The following CFAP299 variants were observed in gnomAD, a reference collection of about 807,000 sequenced individuals.
The protein encoded by CFAP299 is cilia and flagella associated protein 299, also known as cilia- and flagella-associated protein 299.
Under a neutral mutation model 27.0 loss-of-function variants are expected in CFAP299, and 21 were observed. That is an observed-to-expected ratio of 0.78 (90% CI 0.55 to 1.12). CFAP299 has a LOEUF of 1.12. Among genes scored for constraint, CFAP299 ranks in the 50% most tolerant of loss-of-function variants. CFAP299 has a pLI of 0.00. For missense variants in CFAP299, 310 were observed against 276.6 expected, an observed-to-expected ratio of 1.12 and a Z score of -0.86; for synonymous variants, 104 against 98.1, an observed-to-expected ratio of 1.06 and a Z score of -0.36.
At chr4:80,739,022 T>C (rs1192745826) in intron 3 of CFAP299, among the ~76,000 whole-genome samples, 2 of 152,012 alleles carry the variant, frequency 1.3e-5, no homozygotes, top group Non-Finnish European at 2.9e-5. Context: ...CAAACAAACA[T>C]GCAAAAAGAA....
At chr4:80,889,011 C>CAAAAAAA (rs35328435) in intron 4 of CFAP299, among the ~76,000 whole-genome samples, 166 of 52,370 alleles carry the variant, frequency 3.2e-3, no homozygotes, top group East Asian at 7.1e-3. Context: ...AGTGCCTAAG[C>CAAAAAAA]AAAAAAAAAA....
intron 4 of CFAP299, among the ~76,000 whole-genome samples, chr4:80,917,261 G>T (rs1014514165): frequency 1.3e-5 from 2 of 151,956 alleles, no homozygotes; most frequent in Non-Finnish European, 2.9e-5. Flanking sequence ...GTACTATTTC[G>T]CAGATAACCG....
intron 3 of CFAP299, among the ~76,000 whole-genome samples, chr4:80,860,524 C>A (rs111996382): frequency 6.6e-6 from 1 of 151,968 alleles, no homozygotes; most frequent in Non-Finnish European, 1.5e-5. Flanking sequence ...CTGTTTTTTC[C>A]CCATCTTTGT....
chr4:80,544,872 C>G (rs1056399234), intron 2 of CFAP299, among the ~76,000 whole-genome samples: 3 of 152,130 alleles, frequency 2.0e-5, no homozygotes, highest in Admixed American at 2.0e-4. Flanking sequence ...ACCTCCTAAA[C>G]ATCTATACAA....
Position 80,390,128 on chromosome 4 carries a change from T to A in CFAP299, c.242+27244T>A, listed in dbSNP as rs145831066. On this transcript the variant is annotated intron_variant, in intron 2 of 5. Transcript: ENST00000358105. ...CCATCACAATACCTTTATTTTATGGTGAGAATATTTAAGGTCTACTTTCTT... is the reference window on the plus strand; with the variant it reads ...CCATCACAATACCTTTATTTTATGGAGAGAATATTTAAGGTCTACTTTCTT... 2.3e-3 allele frequency among the ~76,000 whole-genome samples: 352 copies of A among 152,238 alleles called. 2 individuals are homozygous for A. Among genetic ancestry groups the A allele is most frequent in the African/African-American group, 7.7e-3 (320 of 41,534 alleles).
the CFAP299 span, among the ~76,000 whole-genome samples, chr4:80,324,064 T>C: frequency 1.3e-5 from 2 of 152,168 alleles, no homozygotes; most frequent in African/African-American, 4.8e-5. Flanking sequence ...GGTTTGCTGC[T>C]CCTATCAACC....
intron 3 of CFAP299, among the ~76,000 whole-genome samples, chr4:80,752,038 T>C (rs920003094): frequency 6.6e-6 from 1 of 152,182 alleles, no homozygotes; most frequent in African/African-American, 2.4e-5. Context: ...CCCAATGCCC[T>C]GGTGGCATGG....
At chr4:80,844,409 G>A (rs1315418858) in intron 3 of CFAP299, among the ~76,000 whole-genome samples, 5 of 152,116 alleles carry the variant, frequency 3.3e-5, no homozygotes, top group African/African-American at 1.2e-4. Flanking sequence ...ATCCTCTCCA[G>A]CACCTGTTGT....
rs369474697 is a variant in CFAP299, at chr4:80,963,468, G to A, written c.607-49G>A. The A allele has an allele frequency of 8.2e-5, 107 of 1,306,888 alleles. 1 individual carries two copies. The African/African-American group carries it at 1.4e-3, about 17-fold the overall frequency. The allele number at this position is 1,306,888 out of a possible 1,614,324, so 81.0% of individuals were successfully genotyped here. ...AAATAAAAAAAAAATTTTAAAAAAG[G>A]CCAAGTATTTTTATAGACTTGACTA... On this transcript the variant is annotated intron_variant, in intron 5 of 5. Transcript: ENST00000358105.
intron 3 of CFAP299, among the ~76,000 whole-genome samples, chr4:80,663,090 T>C (rs1388805307): frequency 2.6e-5 from 4 of 152,082 alleles, no homozygotes; most frequent in Non-Finnish European, 5.9e-5. Context: ...ATCAGTTGTA[T>C]CAAATTCCTA....
intron 2 of CFAP299, among the ~76,000 whole-genome samples, chr4:80,391,720 C>A (rs1725491813): frequency 6.6e-6 from 1 of 152,164 alleles, no homozygotes; most frequent in African/African-American, 2.4e-5. Context: ...TTAATCCTAG[C>A]ACTTTGGTAG....
intron 2 of CFAP299, among the ~76,000 whole-genome samples, chr4:80,366,489 G>A (rs538551556): frequency 6.6e-5 from 10 of 152,318 alleles, no homozygotes; most frequent in Admixed American, 6.5e-4. Context: ...CTTCTATTCA[G>A]TCTTTCACAA....
intron 2 of CFAP299, among the ~76,000 whole-genome samples, chr4:80,464,539 A>G (rs187371457): frequency 6.6e-6 from 1 of 152,354 alleles, no homozygotes; most frequent in Non-Finnish European, 1.5e-5. Flanking sequence ...AAAGGCTTAA[A>G]AAATAAACTG....
chr4:80,801,533 A>G (rs1247530605), intron 3 of CFAP299, among the ~76,000 whole-genome samples: 1 of 152,084 alleles, frequency 6.6e-6, no homozygotes, highest in Non-Finnish European at 1.5e-5. Flanking sequence ...TATAAGAGAG[A>G]ATAAAGGCTG....
At chr4:80,686,664 G>A (rs1225259893) in intron 3 of CFAP299, among the ~76,000 whole-genome samples, 2 of 152,174 alleles carry the variant, frequency 1.3e-5, no homozygotes, top group Non-Finnish European at 2.9e-5. Context: ...GAAGATTTTG[G>A]TAGAAGATAA....
chr4:80,741,627 T>A (rs567508637), intron 3 of CFAP299, among the ~76,000 whole-genome samples: 1 of 152,256 alleles, frequency 6.6e-6, no homozygotes, highest in African/African-American at 2.4e-5. Flanking sequence ...TCACTTTAAT[T>A]GCATGAGATA....
At chr4:80,676,217 A>G (rs555271254) in intron 3 of CFAP299, among the ~76,000 whole-genome samples, 2 of 152,246 alleles carry the variant, frequency 1.3e-5, no homozygotes, top group South Asian at 4.1e-4. Context: ...AAATTATCAT[A>G]TTGTTTTTGT....
chr4:80,731,736 A>G (rs1723533824), intron 3 of CFAP299, among the ~76,000 whole-genome samples: 2 of 152,088 alleles, frequency 1.3e-5, no homozygotes, highest in South Asian at 2.1e-4. Context: ...GCCTAAAACT[A>G]TGGAAGTCTT....
At chr4:80,350,691 C>G (rs1021928150) in intron 1 of CFAP299, among the ~76,000 whole-genome samples, 1 of 152,090 alleles carries the variant, frequency 6.6e-6, no homozygotes, top group African/African-American at 2.4e-5. Context: ...GAACAGAAAA[C>G]CAAACACCAC....
Sources: gnomAD v4.1 joint callset for allele counts (sites outside exome capture counted in the v4.1 genomes callset) on GRCh38, gnomAD v4.1.1 for gene constraint, MANE v1.5 for transcripts, NCBI Gene and HGNC (gene_info 2026-07-23, HGNC 2026-07-21) for gene names.